The following ATP6V1C2 variants were observed in gnomAD, a reference collection of about 807,000 sequenced individuals.
The protein encoded by ATP6V1C2 is V-type proton ATPase subunit C 2.
In ATP6V1C2, 45 loss-of-function variants were observed where a neutral mutation model predicts 56.8. The ratio of observed to expected loss-of-function variants is 0.79; its 90% CI spans 0.62 to 1.02. The LOEUF is 1.02. ATP6V1C2 is among the 50% of genes least tolerant of loss of function. The probability of loss-of-function intolerance (pLI) is 0.00; values close to 1 mark genes in which losing one functional copy is unlikely to be tolerated. For synonymous variants in ATP6V1C2, 220 were observed against 201.3 expected, an observed-to-expected ratio of 1.09 and a Z score of -0.79; for missense variants, 463 against 519.7, an observed-to-expected ratio of 0.89 and a Z score of 1.06.
chr2:10,731,320 C>T (rs1354636277), intron 3 of ATP6V1C2, among the ~76,000 whole-genome samples: 4 of 152,078 alleles, frequency 2.6e-5, no homozygotes, highest in African/African-American at 4.8e-5. Context: ...TGCTCTCAGA[C>T]GAATGAAGGG....
At chr2:10,739,597 C>T (rs1476307364) in intron 3 of ATP6V1C2, among the ~76,000 whole-genome samples, 1 of 152,104 alleles carries the variant, frequency 6.6e-6, no homozygotes, top group Non-Finnish European at 1.5e-5. Context: ...GAAGACTGCT[C>T]ACCCAGAAGA....
intron 5 of ATP6V1C2, among the ~76,000 whole-genome samples, chr2:10,766,515 A>C (rs1414518877): frequency 6.6e-6 from 1 of 152,066 alleles, no homozygotes; most frequent in African/African-American, 2.4e-5. Context: ...GCTCCCAAAT[A>C]CCTCTCAGCA....
chr2:10,755,283 G>A (rs1381627439), intron 4 of ATP6V1C2, among the ~76,000 whole-genome samples: 2 of 151,524 alleles, frequency 1.3e-5, no homozygotes, highest in African/African-American at 4.8e-5. Context: ...TGATCCGCCC[G>A]CCCTGGTCTC....
At chr2:10,771,423 G>T (rs981121450) in intron 6 of ATP6V1C2, among the ~76,000 whole-genome samples, 11 of 152,234 alleles carry the variant, frequency 7.2e-5, no homozygotes, top group African/African-American at 2.4e-4. Flanking sequence ...CTCTATCGAG[G>T]ACGGCTCAAC....
intron 6 of ATP6V1C2, among the ~76,000 whole-genome samples, chr2:10,770,791 G>A (rs909334174): frequency 2.6e-5 from 4 of 152,362 alleles, no homozygotes; most frequent in Middle Eastern, 3.4e-3. Context: ...CCTCCTCTGC[G>A]CTCTCTTTTC....
At chr2:10,770,631 G>A (rs1664539423) in intron 6 of ATP6V1C2, among the ~76,000 whole-genome samples, 1 of 152,238 alleles carries the variant, frequency 6.6e-6, no homozygotes, top group African/African-American at 2.4e-5. Flanking sequence ...TGGGACTTGT[G>A]CAAACATCTG....
intron 3 of ATP6V1C2, among the ~76,000 whole-genome samples, chr2:10,728,590 C>G (rs1224748811): frequency 6.6e-6 from 1 of 151,982 alleles, no homozygotes; most frequent in Non-Finnish European, 1.5e-5. Context: ...GCCTAGACAA[C>G]ATAGCAAAAC....
upstream of ATP6V1C2, among the ~76,000 whole-genome samples, chr2:10,721,460 C>G (rs1213425263): frequency 6.6e-6 from 1 of 152,130 alleles, no homozygotes; most frequent in Non-Finnish European, 1.5e-5. Context: ...GGACTGGAGA[C>G]CCTGCGCGTC....
At position 10,763,565 on chromosome 2, in the gene ATP6V1C2, C is replaced by T. The variant is rs1387243034; in HGVS notation, c.284-766C>T. On this transcript the variant is annotated intron_variant, in intron 4 of 13. Transcript: ENST00000272238. The surrounding 1 kb of genome is among the most constrained non-coding windows in gnomAD (Gnocchi z 4.2). ...GGTGCACAGGGAGCCTAGGCTGGGACATCCGCCATGGGAAGGGCCCTCTGC... is the reference window on the plus strand; with the variant it reads ...GGTGCACAGGGAGCCTAGGCTGGGATATCCGCCATGGGAAGGGCCCTCTGC... Among the ~76,000 whole-genome samples the T allele has an allele frequency of 6.6e-6, 1 of 152,196 alleles. No homozygotes were observed. Among genetic ancestry groups the T allele is most frequent in the African/African-American group, 2.4e-5 (1 of 41,444 alleles).
intron 3 of ATP6V1C2, among the ~76,000 whole-genome samples, chr2:10,738,576 T>C (rs1197333284): frequency 6.6e-6 from 1 of 152,154 alleles, no homozygotes; most frequent in Non-Finnish European, 1.5e-5. Flanking sequence ...AGCAAGGCCT[T>C]TTTCACTTAA....
At chr2:10,757,786 C>T (rs908502692) in intron 4 of ATP6V1C2, among the ~76,000 whole-genome samples, 3 of 152,140 alleles carry the variant, frequency 2.0e-5, no homozygotes, top group African/African-American at 4.8e-5. Flanking sequence ...CACGATGTCC[C>T]GACTGCCTGC....
intron 3 of ATP6V1C2, among the ~76,000 whole-genome samples, chr2:10,748,002 C>G (rs866596713): frequency 2.0e-5 from 3 of 152,122 alleles, no homozygotes; most frequent in Non-Finnish European, 4.4e-5. Context: ...CCAGCCTAAA[C>G]CTGGAAGAGT....
At chr2:10,773,842 G>T (rs1045904152) in intron 8 of ATP6V1C2, among the ~76,000 whole-genome samples, 6 of 152,216 alleles carry the variant, frequency 3.9e-5, no homozygotes, top group African/African-American at 1.4e-4. Flanking sequence ...CTGGGGGACG[G>T]GGATCTCCCA....
In ATP6V1C2 at chr2:10,783,369, T is replaced by A. The variant is rs1200801761; in HGVS notation, c.*106T>A. ...ATGTCTTACAGAACTAAGATCTTTT[T>A]CAGAGAAATTGCTCACAAAAGTTAG... On this transcript the variant is annotated 3_prime_UTR_variant, in exon 14 of 14. Transcript: ENST00000272238. 1.5e-6 allele frequency: 1 copy of A among 667,870 alleles called. No individual in the cohort carries two copies. Among genetic ancestry groups the A allele is most frequent in the Admixed American group, 3.3e-5 (1 of 30,756 alleles). 41.4% of individuals were successfully genotyped at this position (667,870 alleles called of 1,614,324 possible).
At chr2:10,754,184 T>G (rs926845247) in intron 4 of ATP6V1C2, 118 bp downstream of exon 4, 95 of 744,236 alleles carry the variant, frequency 1.3e-4, no homozygotes, top group Non-Finnish European at 2.1e-4. Flanking sequence ...GTGGATGCTC[T>G]GGATTGACAC....
chr2:10,729,685 C>T (rs1661850640), intron 3 of ATP6V1C2, among the ~76,000 whole-genome samples: 1 of 152,170 alleles, frequency 6.6e-6, no homozygotes, highest in South Asian at 2.1e-4. Context: ...GTGAGACCCT[C>T]TCTCTACAAA....
At chr2:10,744,860 G>A (rs1662798688) in intron 3 of ATP6V1C2, among the ~76,000 whole-genome samples, 2 of 150,686 alleles carry the variant, frequency 1.3e-5, no homozygotes, top group Admixed American at 6.6e-5. Context: ...TTGTAGAGAT[G>A]GGGTTTCACC....
At chr2:10,753,829 C>T (rs1035826447) in intron 3 of ATP6V1C2, 152 bp from the exon 4 acceptor site, 11 of 648,606 alleles carry the variant, frequency 1.7e-5, no homozygotes, top group Admixed American at 7.3e-5. Flanking sequence ...CCACTGTGCC[C>T]GGCCGCTATT....
At chr2:10,744,166 G>C (rs1263902337) in intron 3 of ATP6V1C2, 1 of 152,078 alleles carries the variant, frequency 6.6e-6, no homozygotes, top group Non-Finnish European at 1.5e-5. Context: ...GGGTGACAGA[G>C]TGCGACCCTG....
Sources: gnomAD v4.1 joint callset for allele counts (sites outside exome capture counted in the v4.1 genomes callset) on GRCh38, gnomAD v4.1.1 for gene constraint, Gnocchi (gnomAD v3.1) non-coding constraint, MANE v1.5 for transcripts, NCBI Gene and HGNC (gene_info 2026-07-23, HGNC 2026-07-21) for gene names.